Variants in CDC42SE2 observed in about 807,000 individuals in gnomAD.
CDC42SE2 encodes CDC42 small effector protein 2.
CDC42SE2 carries 3 observed loss-of-function variants against 11.5 expected under a neutral mutation model. The ratio of observed to expected loss-of-function variants is 0.26; its 90% CI spans 0.12 to 0.67. The LOEUF (loss-of-function observed/expected upper bound fraction) is 0.67. Among genes scored for constraint, CDC42SE2 ranks in the 30% least tolerant of loss-of-function variants. The pLI is 0.80. For missense variants in CDC42SE2, 82 were observed against 106.8 expected (o/e 0.77, Z 1.02); for synonymous variants, 33 against 34.8 (o/e 0.95, Z 0.18).
At chr5:131,312,967 CCTTTTCTTTTT>C (rs1242500582) in intron 1 of CDC42SE2, among the ~76,000 whole-genome samples, 5 of 151,918 alleles carry the variant, frequency 3.3e-5, no homozygotes, top group Admixed American at 6.6e-5. Flanking sequence ...GCTCCTCCTC[CCTTTTCTTTTT>C]CTTTTCTTTT....
intron 2 of CDC42SE2, among the ~76,000 whole-genome samples, chr5:131,345,963 A>G (rs1228175577): frequency 1.3e-5 from 2 of 152,194 alleles, no homozygotes; most frequent in Non-Finnish European, 2.9e-5. Flanking sequence ...AGATTTTGTC[A>G]CCACCAGGCC....
chr5:131,224,237 T>C, the CDC42SE2 span, among the ~76,000 whole-genome samples: 1 of 152,132 alleles, frequency 6.6e-6, no homozygotes, highest in Non-Finnish European at 1.5e-5. Context: ...AACTCAAGCC[T>C]CTCTCTTGAA....
chr5:131,223,584 C>T, the CDC42SE2 span, among the ~76,000 whole-genome samples: 1 of 152,170 alleles, frequency 6.6e-6, no homozygotes, highest in Admixed American at 6.5e-5. Context: ...TTTACTAGAT[C>T]CTAATTCCTC....
At chr5:131,337,599 A>G (rs1758604831) in intron 2 of CDC42SE2, among the ~76,000 whole-genome samples, 1 of 152,080 alleles carries the variant, frequency 6.6e-6, no homozygotes, top group South Asian at 2.1e-4. Flanking sequence ...GGCCTTCTTG[A>G]GCTGTGGTGG....
At chr5:131,341,822 G>C (rs1758717422) in intron 2 of CDC42SE2, among the ~76,000 whole-genome samples, 1 of 151,950 alleles carries the variant, frequency 6.6e-6, no homozygotes, top group Admixed American at 6.6e-5. Context: ...TTGAACCCAG[G>C]AGGTGGAGGT....
chr5:131,215,401 G>A, the CDC42SE2 span, among the ~76,000 whole-genome samples: 2 of 152,212 alleles, frequency 1.3e-5, no homozygotes, highest in African/African-American at 4.8e-5. Context: ...ATAAACCTGT[G>A]TCTTGTAGAC....
intron 2 of CDC42SE2, among the ~76,000 whole-genome samples, chr5:131,355,010 A>C (rs975132996): frequency 6.6e-6 from 1 of 152,134 alleles, no homozygotes; most frequent in African/African-American, 2.4e-5. Context: ...GACATGGTCC[A>C]AGGAAATGTT....
At chr5:131,271,613 A>G (rs575254876) in intron 1 of CDC42SE2, among the ~76,000 whole-genome samples, 2 of 152,262 alleles carry the variant, frequency 1.3e-5, no homozygotes, top group East Asian at 3.9e-4. Flanking sequence ...TCACCCATGG[A>G]TACCGAGGGA....
chr5:131,309,270 C>A (rs1388679281), intron 1 of CDC42SE2, among the ~76,000 whole-genome samples: 1 of 150,614 alleles, frequency 6.6e-6, no homozygotes, highest in Non-Finnish European at 1.5e-5. Context: ...GTATATTGAA[C>A]CAGCCTTGCA....
chr5:131,363,674 G>GCCTTTTTTTTTTCTCTTAC (rs1454277690), intron 3 of CDC42SE2, among the ~76,000 whole-genome samples: 2 of 148,506 alleles, frequency 1.3e-5, no homozygotes, highest in Non-Finnish European at 3.0e-5. Context: ...ACCGCGCCCG[G>GCCTTTTTTTTTTCTCTTAC]CCTTTTTTTT....
chr5:131,316,650 CT>C (rs1437373581), intron 2 of CDC42SE2, among the ~76,000 whole-genome samples: 1 of 152,164 alleles, frequency 6.6e-6, no homozygotes, highest in East Asian at 1.9e-4. Flanking sequence ...CTCCGCAGAG[CT>C]GATATTACGT....
the CDC42SE2 span, among the ~76,000 whole-genome samples, chr5:131,230,988 A>G: frequency 1.3e-5 from 2 of 152,296 alleles, no homozygotes. Context: ...TATGTTTTCT[A>G]TATGTGTATT....
chr5:131,252,059 TGGAAGGAAGGAAGGAAGGAAGGAA>T (rs60052435), intron 1 of CDC42SE2, among the ~76,000 whole-genome samples: 30 of 118,000 alleles, frequency 2.5e-4, no homozygotes, highest in Non-Finnish European at 2.9e-4. Context: ...AGAGAATGAG[TGGAAGGAAGGAAGGAAGGAAGGAA>T]GGAAGGAAGG....
At chr5:131,287,055 C>T (rs529249731) in intron 1 of CDC42SE2, among the ~76,000 whole-genome samples, 3 of 152,110 alleles carry the variant, frequency 2.0e-5, no homozygotes, top group Admixed American at 6.5e-5. Context: ...AGTGCAGTGG[C>T]GCAATCTTGG....
At chr5:131,286,385 GTTTTTTTT>G (rs33983324) in intron 1 of CDC42SE2, among the ~76,000 whole-genome samples, 1 of 115,086 alleles carries the variant, frequency 8.7e-6, no homozygotes, top group African/African-American at 3.4e-5. Context: ...CACCTGGCCA[GTTTTTTTT>G]TTTTTTTTTT....
At chr5:131,235,756 G>A in the CDC42SE2 span, among the ~76,000 whole-genome samples, 10 of 151,766 alleles carry the variant, frequency 6.6e-5, no homozygotes, top group Admixed American at 4.6e-4. Flanking sequence ...CACCACACCC[G>A]GCTAATTTTT....
At chr5:131,342,388 C>CTTTTTTTTTTT (rs35818778) in intron 2 of CDC42SE2, among the ~76,000 whole-genome samples, 1,818 of 111,202 alleles carry the variant, frequency 0.016, 85 homozygotes, top group Middle Eastern at 0.03. Flanking sequence ...TTTTAATAGT[C>CTTTTTTTTTTT]TTTTTTTTTT....
At chr5:131,390,863 A>T (rs1352539448) in intron 4 of CDC42SE2, 130 bp from the exon 5 acceptor site, 5 of 456,278 alleles carry the variant, frequency 1.1e-5, no homozygotes, top group South Asian at 3.8e-5. Flanking sequence ...CTATAAAAAA[A>T]TTTTTGTCTA....
chr5:131,233,882 T>A, the CDC42SE2 span, among the ~76,000 whole-genome samples: 1 of 152,316 alleles, frequency 6.6e-6, no homozygotes, highest in East Asian at 1.9e-4. Context: ...TATTGGTGGA[T>A]GTTGATACTC....
Sources: gnomAD v4.1 joint callset for allele counts (sites outside exome capture counted in the v4.1 genomes callset) on GRCh38, gnomAD v4.1.1 for gene constraint, MANE v1.5 for transcripts, NCBI Gene and HGNC (gene_info 2026-07-23, HGNC 2026-07-21) for gene names.